Variants in CHL1 observed in about 807,000 individuals in gnomAD.
The protein encoded by CHL1 is neural cell adhesion molecule L1-like protein.
Under a neutral mutation model 141.9 loss-of-function variants are expected in CHL1, and 96 were observed. The observed-to-expected ratio is 0.68, with a 90% CI of 0.57 to 0.80. The LOEUF (loss-of-function observed/expected upper bound fraction) is 0.80. Among genes scored for constraint, CHL1 ranks in the 30% least tolerant of loss-of-function variants. The pLI is 0.00. For synonymous variants in CHL1, 613 were observed against 502.2 expected, an observed-to-expected ratio of 1.22 and a Z score of -2.95; for missense variants, 1,820 against 1,457.2, an observed-to-expected ratio of 1.25 and a Z score of -4.05.
chr3:223,099 A>G (rs981768416), intron 1 of CHL1, among the ~76,000 whole-genome samples: 1 of 152,126 alleles, frequency 6.6e-6, no homozygotes, highest in Admixed American at 6.5e-5. Flanking sequence ...CCTATTTCCA[A>G]TGTAAGGTAA....
intron 2 of CHL1, among the ~76,000 whole-genome samples, chr3:250,509 T>G (rs1277548299): frequency 1.3e-5 from 2 of 152,074 alleles, no homozygotes; most frequent in African/African-American, 4.8e-5. Context: ...TCTATCTCAG[T>G]ACTGAGTTTC....
chr3:344,916 G>C (rs1702639936), intron 9 of CHL1, among the ~76,000 whole-genome samples: 1 of 152,142 alleles, frequency 6.6e-6, no homozygotes, highest in Non-Finnish European at 1.5e-5. Flanking sequence ...TTGAGCCCAG[G>C]AGTTGGAGGC....
At chr3:338,190 T>C (rs1702082698) in intron 5 of CHL1, among the ~76,000 whole-genome samples, 1 of 152,196 alleles carries the variant, frequency 6.6e-6, no homozygotes, top group Admixed American at 6.5e-5. Flanking sequence ...CTGATCCCTT[T>C]GCAGAGAGGC....
chr3:406,931 T>A lies in CHL1; in HGVS notation c.*1220T>A, dbSNP rs1246510063. The A allele has an allele frequency of 1.3e-5, 2 of 152,288 alleles. No individual in the cohort carries two copies. The highest frequency in any genetic ancestry group is 4.8e-5 in the African/African-American group (2 of 41,582). 9.4% of individuals were successfully genotyped at this position (152,288 alleles called of 1,614,324 possible). The stretch of plus-strand genomic sequence containing the variant: ...TACCCCAGCCCCTCAAAAGAAAAAC[T>A]GTTTACATAGAAATTCCTACACATA... On this transcript the variant is annotated 3_prime_UTR_variant, in exon 28 of 28. Coordinates refer to ENST00000256509, the MANE Select transcript of CHL1 (RefSeq NM_006614.4).
At chr3:238,608 A>G (rs1692222016) in intron 1 of CHL1, among the ~76,000 whole-genome samples, 1 of 152,084 alleles carries the variant, frequency 6.6e-6, no homozygotes, top group Non-Finnish European at 1.5e-5. Context: ...GGAACTCAAA[A>G]TCTTGCATAA....
chr3:340,452 T>A (rs1169567653), intron 5 of CHL1, among the ~76,000 whole-genome samples: 1 of 152,190 alleles, frequency 6.6e-6, no homozygotes, highest in African/African-American at 2.4e-5. Context: ...GAGAAAAAGA[T>A]TTCACATCTA....
At chr3:252,906 T>C (rs984761739) in intron 2 of CHL1, among the ~76,000 whole-genome samples, 1 of 152,130 alleles carries the variant, frequency 6.6e-6, no homozygotes, top group Non-Finnish European at 1.5e-5. Flanking sequence ...CTGATTAGCA[T>C]GGATTAATTA....
chr3:231,939 C>A lies in CHL1; in HGVS notation c.-174-12674C>A, dbSNP rs7637576. Among the ~76,000 whole-genome samples the A allele has an allele frequency of 2.3e-3, 357 of 152,218 alleles. 1 individual carries two copies. The highest frequency in any genetic ancestry group is 8.0e-3 in the African/African-American group (331 of 41,538). On this transcript the variant is annotated intron_variant, in intron 1 of 27. Coordinates refer to ENST00000256509, the MANE Select transcript of CHL1 (RefSeq NM_006614.4). ...GACACTCAACTATACTTTCAGCTTA[C>A]CTAGCCCAATATAAATTTTATTTTA...
At chr3:309,903 A>G (rs1699613365) in intron 2 of CHL1, among the ~76,000 whole-genome samples, 1 of 152,134 alleles carries the variant, frequency 6.6e-6, no homozygotes, top group African/African-American at 2.4e-5. Flanking sequence ...AAAATTCTGA[A>G]TTTATTGTTA....
intron 2 of CHL1, among the ~76,000 whole-genome samples, chr3:289,062 T>C (rs1404782991): frequency 6.6e-6 from 1 of 152,126 alleles, no homozygotes; most frequent in Admixed American, 6.5e-5. Context: ...AAGGAGAAAA[T>C]GTGTGAAGTA....
intron 11 of CHL1, among the ~76,000 whole-genome samples, chr3:358,789 G>C (rs1372727061): frequency 6.6e-6 from 1 of 151,752 alleles, no homozygotes; most frequent in East Asian, 1.9e-4. Flanking sequence ...ATGTTTTCTA[G>C]AACCTAAAGC....
intron 2 of CHL1, among the ~76,000 whole-genome samples, chr3:284,677 T>C (rs1559199213): frequency 6.6e-6 from 1 of 152,300 alleles, no homozygotes; most frequent in East Asian, 1.9e-4. Context: ...ACATTATATG[T>C]TGCTGGGGAG....
Position 344,589 on chromosome 3 carries a change from C to G in CHL1, c.728C>G (p.Ala243Gly). 1 of 1,605,236 alleles carries G rather than the reference C, an allele frequency of 6.2e-7. No individual in the cohort carries two copies. The highest frequency in any genetic ancestry group is 8.5e-7 in the Non-Finnish European group (1 of 1,176,332). ...CTGACTTTTCTTTTCTATTTTGTAG[C>G]AAATTCCATCAAGCAAAGAAAACCC... is the stretch of plus-strand genomic sequence containing the variant. ...SSSSTEIGSK[A>G]NSIKQRKPKL... The change falls in exon 9 of 28, where the codon GCA (alanine) becomes GGA (glycine). Residue 243 changes from alanine to glycine, a missense_variant and splice_region_variant. Ala to Gly is a moderately conservative substitution (Grantham distance 60). Coordinates refer to ENST00000256509, the MANE Select transcript of CHL1 (RefSeq NM_006614.4).
chr3:398,513 ATTTGT>A, intron 25 of CHL1, 128 bp downstream of exon 25: 2 of 539,298 alleles, frequency 3.7e-6, no homozygotes, highest in Non-Finnish European at 6.3e-6. Context: ...CGTAATTTCA[ATTTGT>A]TTTGACATAT....
chr3:402,039 C>T (rs764665028), intron 27 of CHL1, among the ~76,000 whole-genome samples: 4 of 152,130 alleles, frequency 2.6e-5, no homozygotes, highest in African/African-American at 7.2e-5. Context: ...CATCCACACA[C>T]GCATATCTGT....
intron 2 of CHL1, among the ~76,000 whole-genome samples, chr3:271,092 C>T (rs1695594739): frequency 2.0e-5 from 3 of 152,118 alleles, no homozygotes; most frequent in Admixed American, 2.0e-4. Flanking sequence ...AAATCTATCA[C>T]CCTGTGAAAA....
At chr3:224,858 G>A (rs556245055) in intron 1 of CHL1, among the ~76,000 whole-genome samples, 7 of 152,308 alleles carry the variant, frequency 4.6e-5, no homozygotes, top group East Asian at 1.9e-4. Flanking sequence ...ACTCAGAGCC[G>A]GGTGCAGTGG....
chr3:344,674 G>A lies in CHL1; in HGVS notation c.813G>A (p.Gly271=). The change falls in exon 9 of 28, where the codon GGG becomes GGA. Residue 271 remains glycine (G), a synonymous_variant. Transcript: ENST00000256509. ...GSESSITILK[G]EILLLECFAE... ...AGTCTTCAATTACCATCCTCAAAGG[G>A]GAAATCTTGCTGCTTGAGTGTTTTG... is the stretch of plus-strand genomic sequence containing the variant. The A allele has an allele frequency of 6.2e-7, 1 of 1,613,628 alleles. No individual in the cohort carries two copies.
intron 1 of CHL1, chr3:198,194 G>GATCTACACA: frequency 5.7e-6 from 1 of 175,900 alleles, no homozygotes; most frequent in Non-Finnish European, 1.2e-5. Flanking sequence ...CGGCGGCGGA[G>GATCTACACA]GGCAGGTGTG....
Sources: gnomAD v4.1 joint callset for allele counts (sites outside exome capture counted in the v4.1 genomes callset) on GRCh38, gnomAD v4.1.1 for gene constraint, MANE v1.5 for transcripts, NCBI Gene and HGNC (gene_info 2026-07-23, HGNC 2026-07-21) for gene names.